MYBPHL: variants seen among roughly 807,000 people sequenced by gnomAD.
The protein encoded by MYBPHL is myosin-binding protein H-like.
In MYBPHL, 32 loss-of-function variants were observed where a neutral mutation model predicts 39.5. The ratio of observed to expected loss-of-function variants is 0.81; its 90% confidence interval spans 0.61 to 1.09. The LOEUF is 1.09. MYBPHL is among the 50% of genes least tolerant of loss of function. MYBPHL has a pLI of 0.00. For missense variants in MYBPHL, 456 were observed against 460.2 expected, an observed-to-expected ratio of 0.99 and a Z score of 0.08; for synonymous variants, 196 against 183.7, an observed-to-expected ratio of 1.07 and a Z score of -0.54.
intron 1 of MYBPHL, among the ~76,000 whole-genome samples, chr1:109,302,859 CCGG>C (rs986996303): frequency 1.3e-5 from 2 of 152,192 alleles, no homozygotes; most frequent in African/African-American, 2.4e-5. Context: ...AAGTGGCTGC[CCGG>C]CCACCTTTTG....
intron 1 of MYBPHL, among the ~76,000 whole-genome samples, chr1:109,302,987 G>A (rs185539656): frequency 1.3e-5 from 2 of 152,280 alleles, no homozygotes; most frequent in African/African-American, 4.8e-5. Flanking sequence ...TCTGCTAGCT[G>A]TACACAGATG....
chr1:109,297,518 T>C lies in MYBPHL; in HGVS notation c.334A>G (p.Ile112Val), dbSNP rs146491588. ...RNGEQDSILF[I>V]REAQRADSGR... ...GAGTCAGCACGTTGGGCTTCTCGGATGAAGAGGATGGAGTCTTGCTCCCCA... is the reference window on the plus strand; with the variant it reads ...GAGTCAGCACGTTGGGCTTCTCGGACGAAGAGGATGGAGTCTTGCTCCCCA... The change falls in exon 3 of 9, where the codon ATC becomes GTC. Residue 112 changes from isoleucine (I) to valine (V), a missense_variant. Transcript: ENST00000357155. 9 of 1,613,704 alleles carry C rather than the reference T, an allele frequency of 5.6e-6. No individual in the cohort carries two copies. In the African/African-American group the frequency reaches 1.2e-4, roughly 22 times the overall value.
rs777164232 is a variant in MYBPHL, at chr1:109,296,223, C to T, written c.867+11G>A. 21 of 1,612,182 alleles carry T rather than the reference C, an allele frequency of 1.3e-5. No individual in the cohort carries two copies. Among genetic ancestry groups the T allele is most frequent in the African/African-American group, 8.0e-5 (6 of 74,812 alleles). ...CAGCTCAGCACAGTGCCCCCCAGAG[C>T]CCCCACTCACCCGGGGAGAGGCGCG... On this transcript the variant is annotated intron_variant, in intron 6 of 8. Transcript: ENST00000357155.
chr1:109,306,050 C>A (rs1364860138), intron 1 of MYBPHL, among the ~76,000 whole-genome samples: 4 of 152,206 alleles, frequency 2.6e-5, no homozygotes, highest in Admixed American at 2.6e-4. Context: ...GCCTCCAAGT[C>A]TAGTATATCT....
intron 3 of MYBPHL, 34 bp downstream of exon 3, chr1:109,297,388 A>C: frequency 6.3e-7 from 1 of 1,593,186 alleles, no homozygotes; most frequent in Non-Finnish European, 8.6e-7. Context: ...GGAGTTCCTG[A>C]GGACCCCCCC....
chr1:109,293,579 TAAA>T (rs796606696), intron 8 of MYBPHL, among the ~76,000 whole-genome samples: 1 of 142,710 alleles, frequency 7.0e-6, no homozygotes, highest in Non-Finnish European at 1.5e-5. Context: ...CCGTCTCTAC[TAAA>T]AAAAAAAAAT....
intron 8 of MYBPHL, among the ~76,000 whole-genome samples, chr1:109,293,521 A>T (rs1657935708): frequency 6.6e-6 from 1 of 151,900 alleles, no homozygotes; most frequent in Non-Finnish European, 1.5e-5. Flanking sequence ...AGGCGGGTGG[A>T]TCATGAGGTC....
At chr1:109,303,092 T>C (rs1476090349) in intron 1 of MYBPHL, among the ~76,000 whole-genome samples, 3 of 152,232 alleles carry the variant, frequency 2.0e-5, no homozygotes, top group Non-Finnish European at 2.9e-5. Flanking sequence ...GAATAGTTTT[T>C]AGTTCTTACG....
Position 109,306,105 on chromosome 1 carries a change from T to G in MYBPHL, c.145+742A>C, listed in dbSNP as rs540315944. On this transcript the variant is annotated intron_variant, in intron 1 of 8. Coordinates refer to ENST00000357155, the MANE Select transcript of MYBPHL (RefSeq NM_001010985.3). ...CCCTAGGAGTCCACGTGTTTCTTGA[T>G]TGTGGTCTTTTCATCCTCTTAAGAC... Among the ~76,000 whole-genome samples the G allele has an allele frequency of 6.6e-4, 101 of 152,306 alleles. No individual in the cohort carries two copies. In the Middle Eastern group the frequency reaches 0.014, roughly 21 times the overall value.
At chr1:109,302,594 C>T (rs1557766284) in intron 1 of MYBPHL, among the ~76,000 whole-genome samples, 1 of 152,150 alleles carries the variant, frequency 6.6e-6, no homozygotes, top group Non-Finnish European at 1.5e-5. Flanking sequence ...CCAGGCATAA[C>T]TCCTGCTGGT....
Position 109,295,974 on chromosome 1 carries a change from C to T in MYBPHL, c.867+260G>A, listed in dbSNP as rs145042493. On this transcript the variant is annotated intron_variant, in intron 6 of 8. Transcript: ENST00000357155. ...CTCCTACCACAGAAACAACTTGAGG[C>T]GCATGCCTAATTGCCAGCAGGTCAG... Among the ~76,000 whole-genome samples, 565 of 152,284 alleles carry T rather than the reference C, an allele frequency of 3.7e-3. 7 individuals carry two copies. The highest frequency in any genetic ancestry group is 0.012 in the African/African-American group (508 of 41,552).
intron 1 of MYBPHL, among the ~76,000 whole-genome samples, chr1:109,306,463 T>C (rs1658472716): frequency 6.6e-6 from 1 of 152,154 alleles, no homozygotes; most frequent in Non-Finnish European, 1.5e-5. Context: ...TATTTCCCTG[T>C]TCCTTCAGCA....
chr1:109,297,646 GCC>G (rs1658131767), intron 2 of MYBPHL, 29 bp from the exon 3 acceptor site: 6 of 1,585,248 alleles, frequency 3.8e-6, no homozygotes, highest in Non-Finnish European at 5.2e-6. Flanking sequence ...GCTTTGAGCA[GCC>G]CCGAGAGGCT....
intron 4 of MYBPHL, 25 bp downstream of exon 4, chr1:109,297,025 C>T (rs1658099208): frequency 1.2e-6 from 2 of 1,614,152 alleles, no homozygotes; most frequent in Non-Finnish European, 1.7e-6. Flanking sequence ...CTCTTCCACC[C>T]TCCTTCCTTC....
Sources: allele counts gnomAD v4.1 joint callset (sites outside exome capture counted in the v4.1 genomes callset), GRCh38; gene constraint gnomAD v4.1.1; transcripts MANE v1.5; gene names NCBI Gene and HGNC (gene_info 2026-07-23, HGNC 2026-07-21).